Variants in DCBLD1 observed in about 807,000 individuals in gnomAD.
DCBLD1 encodes the protein discoidin, CUB and LCCL domain-containing protein 1.
A neutral mutation model predicts 71.5 loss-of-function variants in DCBLD1; 57 were observed. The observed-to-expected ratio is 0.80, with a 90% CI of 0.64 to 0.99. The LOEUF is 0.99. Among genes scored for constraint, DCBLD1 ranks in the 50% least tolerant of loss-of-function variants. DCBLD1 has a pLI of 0.00. For missense variants in DCBLD1, 891 were observed against 923.5 expected, an observed-to-expected ratio of 0.96 and a Z score of 0.46; for synonymous variants, 380 against 363.8, an observed-to-expected ratio of 1.04 and a Z score of -0.51.
intron 4 of DCBLD1, among the ~76,000 whole-genome samples, chr6:117,524,220 A>G (rs1778474418): frequency 1.4e-5 from 2 of 147,708 alleles, no homozygotes; most frequent in South Asian, 4.3e-4. Flanking sequence ...TTTTTTTGAG[A>G]CGGAGTTTTG....
At chr6:117,539,217 CTT>C (rs1779005374) in intron 8 of DCBLD1, 36 bp from the exon 9 acceptor site, 2 of 1,485,746 alleles carry the variant, frequency 1.3e-6, no homozygotes, top group Non-Finnish European at 1.8e-6. Flanking sequence ...ATTTAACAAA[CTT>C]TTAAAAATAG....
chr6:117,561,319 TA>T (rs1256900850), intron 14 of DCBLD1: 1 of 224,850 alleles, frequency 4.4e-6, no homozygotes, highest in African/African-American at 2.2e-5. Flanking sequence ...ATCAAAGGGT[TA>T]TAGCTTACAT....
chr6:117,484,991 G>A (rs1184258966), intron 1 of DCBLD1: 1 of 152,146 alleles, frequency 6.6e-6, no homozygotes, highest in Non-Finnish European at 1.5e-5. Flanking sequence ...CCAGAGCTGG[G>A]ATTATTTCGG....
intron 1 of DCBLD1, among the ~76,000 whole-genome samples, chr6:117,486,308 T>C (rs1777083709): frequency 6.6e-6 from 1 of 152,246 alleles, no homozygotes; most frequent in Non-Finnish European, 1.5e-5. Flanking sequence ...ATATACCCCA[T>C]AGTGTTTACA....
intron 13 of DCBLD1, 58 bp downstream of exon 13, chr6:117,544,635 C>T: frequency 6.3e-7 from 1 of 1,594,298 alleles, no homozygotes; most frequent in Non-Finnish European, 8.6e-7. Context: ...ACAGGATCTG[C>T]TGATTGAAAG....
At chr6:117,496,190 T>A (rs2114394107) in intron 1 of DCBLD1, among the ~76,000 whole-genome samples, 1 of 152,154 alleles carries the variant, frequency 6.6e-6, no homozygotes, top group East Asian at 1.9e-4. Flanking sequence ...AAAGAGATTG[T>A]CAGTTTTATA....
rs373736792 is a variant in DCBLD1 at position 117,503,795 on chromosome 6, T to C, written c.141T>C (p.Tyr47=). 9.3e-6 allele frequency: 15 copies of C among 1,614,100 alleles called. No individual in the cohort carries two copies. Among genetic ancestry groups the C allele is most frequent in the East Asian group, 8.9e-5 (4 of 44,870 alleles). ...ATGGCTGTGGACACCTAGTGACTTA[T>C]CAGGATAGTGGCACAATGACATCTA... ...LGDGCGHLVT[Y]QDSGTMTSKN... The change falls in exon 2 of 15, where the codon TAT becomes TAC. Residue 47 remains tyrosine (Y), a synonymous_variant. Coordinates refer to ENST00000338728, the MANE Select transcript of DCBLD1 (RefSeq NM_001366458.2).
At chr6:117,517,974 C>T (rs967987974) in intron 2 of DCBLD1, among the ~76,000 whole-genome samples, 1 of 152,222 alleles carries the variant, frequency 6.6e-6, no homozygotes, top group Non-Finnish European at 1.5e-5. Context: ...TTCTTCATTA[C>T]TTATGTAAAT....
intron 1 of DCBLD1, among the ~76,000 whole-genome samples, chr6:117,499,302 G>A (rs1227097424): frequency 6.7e-6 from 1 of 149,704 alleles, no homozygotes; most frequent in Non-Finnish European, 1.5e-5. Flanking sequence ...AGCTACTTGG[G>A]AGGCTGACGT....
At chr6:117,563,200 T>C in intron 14 of DCBLD1, 2 of 1,541,776 alleles carry the variant, frequency 1.3e-6, no homozygotes, top group Non-Finnish European at 1.8e-6. Context: ...TCTTCCCCAG[T>C]GCCCCAAATT....
At chr6:117,522,201 A>T (rs564740952) in intron 4 of DCBLD1, among the ~76,000 whole-genome samples, 1 of 152,318 alleles carries the variant, frequency 6.6e-6, no homozygotes, top group African/African-American at 2.4e-5. Context: ...CTAAAGCAGA[A>T]TTTCTTAGCC....
intron 14 of DCBLD1, chr6:117,566,836 T>A (rs2114603255): frequency 1.3e-6 from 2 of 1,491,834 alleles, no homozygotes; most frequent in South Asian, 2.7e-5. Flanking sequence ...TAATAATAAT[T>A]TTTAGAGTGA....
At chr6:117,546,475 C>G (rs1779268352) in intron 14 of DCBLD1, among the ~76,000 whole-genome samples, 2 of 152,156 alleles carry the variant, frequency 1.3e-5, no homozygotes, top group African/African-American at 4.8e-5. Context: ...GAGTTGTCAG[C>G]CTAAGGGTTG....
rs893513324 is a variant in DCBLD1 at position 117,482,867 on chromosome 6, C to T, written c.86C>T (p.Pro29Leu). 4.2e-6 allele frequency: 5 copies of T among 1,191,506 alleles called. No individual in the cohort carries two copies. The highest frequency in any genetic ancestry group is 1.6e-5 in the African/African-American group (1 of 61,996). The allele number at this position is 1,191,506 out of a possible 1,614,324, so 73.8% of individuals were successfully genotyped here. A position where few individuals can be genotyped will look rare whatever the true frequency, so the allele number is the denominator to read the frequency against. ...GCTTTGCTGCTCGCGGTCTCCGCCC[C>T]GCTCCGGCTGCAGGCGGAGGAGCTG... is the stretch of plus-strand genomic sequence containing the variant. ...LLALLLAVSAPLRLQAEELGD... is the reference protein window; with the variant it reads ...LLALLLAVSALLRLQAEELGD... The change falls in exon 1 of 15, where the codon CCG becomes CTG. Residue 29 changes from proline to leucine, a missense_variant. Physicochemically the swap from Pro to Leu is moderately conservative, Grantham distance 98. Coordinates refer to ENST00000338728, the MANE Select transcript of DCBLD1 (RefSeq NM_001366458.2).
In DCBLD1 at chr6:117,482,826, C is replaced by T. The variant is rs1776937080; in HGVS notation, c.45C>T (p.Ala15=). The change falls in exon 1 of 15, where the codon GCC becomes GCT. Residue 15 remains alanine (A), a synonymous_variant. Coordinates refer to ENST00000338728, the MANE Select transcript of DCBLD1 (RefSeq NM_001366458.2). ...GCGGCGGCGCACTGGCGCGGGCTGC[C>T]GGGCGGGGCCTCCTGGCTTTGCTGC... The part of the protein sequence containing the change: ...ARGGGALARA[A]GRGLLALLLA... 8.6e-7 allele frequency: 1 copy of T among 1,165,882 alleles called. No individual in the cohort carries two copies. Among genetic ancestry groups the T allele is most frequent in the Non-Finnish European group, 1.1e-6 (1 of 946,706 alleles). 72.2% of individuals were successfully genotyped at this position (1,165,882 alleles called of 1,614,324 possible). A position where few individuals can be genotyped will look rare whatever the true frequency, so the allele number is the denominator to read the frequency against.
In DCBLD1 at chr6:117,543,198, G is replaced by A; in HGVS notation, c.1432G>A (p.Ala478Thr). ...VLVFAGMGIF[A>T]AFRKKKKKGS... ...GGTGTTTGCTGGAATGGGGATCTTT[G>A]CAGCCTTTAGAAAGTATGGTGACTT... The change falls in exon 12 of 15, where the codon GCA becomes ACA. Residue 478 changes from alanine to threonine, a missense_variant. Coordinates refer to ENST00000338728, the MANE Select transcript of DCBLD1 (RefSeq NM_001366458.2). 3.7e-6 allele frequency: 6 copies of A among 1,613,912 alleles called. No individual in the cohort carries two copies. Among genetic ancestry groups the A allele is most frequent in the Non-Finnish European group, 5.1e-6 (6 of 1,179,880 alleles).
Position 117,549,667 on chromosome 6 carries a change from T to C in DCBLD1, c.*1228T>C, listed in dbSNP as rs1014015591. The C allele has an allele frequency of 6.1e-6, 6 of 985,268 alleles. No individual in the cohort carries two copies. In the African/African-American group the frequency reaches 8.7e-5, roughly 14 times the overall value. The allele number at this position is 985,268 out of a possible 1,614,324, so 61.0% of individuals were successfully genotyped here. ...TTACATCCTGTGAAATGTATATATGTTAAAATAATGGGGGTGCTGGAAGGT... is the reference window on the plus strand; with the variant it reads ...TTACATCCTGTGAAATGTATATATGCTAAAATAATGGGGGTGCTGGAAGGT... On this transcript the variant is annotated 3_prime_UTR_variant, in exon 15 of 15. Coordinates refer to ENST00000338728, the MANE Select transcript of DCBLD1 (RefSeq NM_001366458.2).
chr6:117,540,504 C>G (rs547689445), intron 9 of DCBLD1, 164 bp from the exon 10 acceptor site: 1 of 729,922 alleles, frequency 1.4e-6, no homozygotes, highest in Non-Finnish European at 2.2e-6. Context: ...GATAAATTGG[C>G]CCTTGTTTGC....
chr6:117,535,820 A>G (rs1778864406), intron 6 of DCBLD1, among the ~76,000 whole-genome samples: 1 of 152,198 alleles, frequency 6.6e-6, no homozygotes, highest in South Asian at 2.1e-4. Context: ...ATCTTAATAC[A>G]ATTTTAATAT....
Sources: allele counts gnomAD v4.1 joint callset (sites outside exome capture counted in the v4.1 genomes callset), GRCh38; gene constraint gnomAD v4.1.1; transcripts MANE v1.5; gene names NCBI Gene and HGNC (gene_info 2026-07-23, HGNC 2026-07-21).